TP63: variants seen among roughly 807,000 people sequenced by gnomAD.
TP63 encodes tumor protein 63.
In TP63, 17 loss-of-function variants were observed where a neutral mutation model predicts 82.8. That is an observed-to-expected ratio of 0.21 (90% CI 0.14 to 0.31). TP63 has a LOEUF of 0.31. Ranked by LOEUF, TP63 falls within the 10% of genes least tolerant of loss-of-function variation. The pLI, the probability that TP63 is intolerant of heterozygous loss-of-function variation, is 1.00. For synonymous variants in TP63, 330 were observed against 321.7 expected (o/e 1.03, Z -0.28); for missense variants, 648 against 895.3 (o/e 0.72, Z 3.52).
At position 189,677,259 on chromosome 3, in the gene TP63, T is replaced by C. The variant is rs187120011; in HGVS notation, c.62+45682T>C. ...TATATGTACATATAATGTGTACATA[T>C]AGATATACACACACACACAGTGGAA... is the stretch of plus-strand genomic sequence containing the variant. On this transcript the variant is annotated intron_variant, in intron 1 of 13. Coordinates refer to ENST00000264731, the MANE Select transcript of TP63 (RefSeq NM_003722.5). Among the ~76,000 whole-genome samples the C allele has an allele frequency of 2.7e-5, 4 of 148,104 alleles. No individual in the cohort carries two copies. The East Asian group carries it at 7.9e-4, about 29-fold the overall frequency.
chr3:189,634,477 GT>G (rs11293774), intron 1 of TP63, among the ~76,000 whole-genome samples: 145,580 of 151,944 alleles, frequency 0.96, 70,052 homozygotes, highest in Middle Eastern at 1. Flanking sequence ...TTCATCCTCT[GT>G]TTTTTTTCCT....
chr3:189,860,514 C>A (rs1382167544), intron 4 of TP63, among the ~76,000 whole-genome samples: 1 of 152,040 alleles, frequency 6.6e-6, no homozygotes, highest in Admixed American at 6.6e-5. Flanking sequence ...ATGAAGTAAA[C>A]AGAATAGCAG....
At chr3:189,620,514 AAAC>A in the TP63 span, among the ~76,000 whole-genome samples, 2,911 of 147,270 alleles carry the variant, frequency 0.02, 157 homozygotes, top group African/African-American at 0.069. Context: ...ATCAAAAAAA[AAAC>A]AAAAAAAAAA....
At chr3:189,813,887 C>G (rs750620723) in intron 4 of TP63, among the ~76,000 whole-genome samples, 34 of 152,148 alleles carry the variant, frequency 2.2e-4, no homozygotes, top group Non-Finnish European at 2.8e-4. Flanking sequence ...AATTTGTTCC[C>G]TGTAGCCTTC....
intron 4 of TP63, among the ~76,000 whole-genome samples, chr3:189,836,532 TC>T (rs1221077748): frequency 6.6e-6 from 1 of 152,192 alleles, no homozygotes; most frequent in Non-Finnish European, 1.5e-5. Flanking sequence ...TGTTAATAAT[TC>T]TCATTCATCT....
intron 3 of TP63, among the ~76,000 whole-genome samples, chr3:189,800,812 G>T (rs957103376): frequency 6.6e-6 from 1 of 152,118 alleles, no homozygotes; most frequent in African/African-American, 2.4e-5. Context: ...TTAGAACTCC[G>T]TAAGAGAATT....
chr3:189,738,669 C>G lies in TP63; in HGVS notation c.219C>G (p.Asp73Glu). ...CTATATGTTCAGTTCAGCCCATTGA[C>G]TTGAACTTTGTGGATGAACCATCAG... ...EQPICSVQPI[D>E]LNFVDEPSED... is the part of the protein sequence containing the mutation. Residue 73 changes from aspartate (D) to glutamate (E), a missense_variant, in exon 3 of 14, where the codon GAC becomes GAG. By Grantham distance (45) the Asp-to-Glu change is conservative. Transcript: ENST00000264731. The G allele has an allele frequency of 1.2e-6, 2 of 1,614,098 alleles. No individual in the cohort carries two copies. Among genetic ancestry groups the G allele is most frequent in the South Asian group, 2.2e-5 (2 of 91,076 alleles).
rs189193305 is a variant in TP63, at chr3:189,665,547, A to C, written c.62+33970A>C. ...TTGATATTTGCAACTATGAGGGGAT[A>C]TATCTGAAGGCAAAACCTAACATGC... On this transcript the variant is annotated intron_variant, in intron 1 of 13. Coordinates refer to ENST00000264731, the MANE Select transcript of TP63 (RefSeq NM_003722.5). Among the ~76,000 whole-genome samples, 25 of 152,252 alleles carry C rather than the reference A, an allele frequency of 1.6e-4. No individual in the cohort carries two copies. The East Asian group carries it at 4.6e-3, about 28-fold the overall frequency.
At chr3:189,712,598 G>C (rs1418404109) in intron 1 of TP63, among the ~76,000 whole-genome samples, 2 of 152,048 alleles carry the variant, frequency 1.3e-5, no homozygotes, top group African/African-American at 4.8e-5. Flanking sequence ...CATGAGGAGA[G>C]GCAGTAATGA....
At chr3:189,821,018 G>A (rs1728742520) in intron 4 of TP63, among the ~76,000 whole-genome samples, 1 of 152,078 alleles carries the variant, frequency 6.6e-6, no homozygotes. Context: ...CTTAATGAAT[G>A]AATAATATGT....
At chr3:189,841,786 G>A (rs956307277) in intron 4 of TP63, among the ~76,000 whole-genome samples, 1 of 152,186 alleles carries the variant, frequency 6.6e-6, no homozygotes, top group Non-Finnish European at 1.5e-5. Flanking sequence ...CAAAGAGTAT[G>A]TGTGGAAGCA....
intron 4 of TP63, among the ~76,000 whole-genome samples, chr3:189,815,107 C>T (rs1560212558): frequency 2.0e-5 from 3 of 151,994 alleles, no homozygotes; most frequent in African/African-American, 7.3e-5. Flanking sequence ...CCCTCCTTCT[C>T]TTTTTTCCTT....
At chr3:189,655,571 G>C (rs9848040) in intron 1 of TP63, among the ~76,000 whole-genome samples, 66,885 of 151,966 alleles carry the variant, frequency 0.44, 16,125 homozygotes, top group Middle Eastern at 0.69. Flanking sequence ...GCAGTGAGGT[G>C]AGCTCATGTC....
At chr3:189,883,788 G>A (rs1429113315) in intron 10 of TP63, among the ~76,000 whole-genome samples, 1 of 152,066 alleles carries the variant, frequency 6.6e-6, no homozygotes, top group Non-Finnish European at 1.5e-5. Flanking sequence ...TTCTTCATCT[G>A]TGGTTTCTGA....
At chr3:189,846,611 G>GGTGTGTGTGT (rs71861936) in intron 4 of TP63, among the ~76,000 whole-genome samples, 8 of 141,258 alleles carry the variant, frequency 5.7e-5, no homozygotes, top group African/African-American at 2.1e-4. Flanking sequence ...TGGCCAGTAG[G>GGTGTGTGTGT]GTGTGTGTGT....
chr3:189,727,248 G>A (rs910593784), intron 1 of TP63, among the ~76,000 whole-genome samples: 5 of 152,154 alleles, frequency 3.3e-5, no homozygotes, highest in African/African-American at 1.2e-4. Flanking sequence ...TGTTTATTGT[G>A]TAAGATTGTT....
chr3:189,699,476 A>G (rs1486913515), intron 1 of TP63, among the ~76,000 whole-genome samples: 1 of 152,236 alleles, frequency 6.6e-6, no homozygotes, highest in East Asian at 1.9e-4. Flanking sequence ...AGGAACTTAG[A>G]GAATGCATTA....
At chr3:189,789,907 A>C in intron 3 of TP63, 1 of 1,456,640 alleles carries the variant, frequency 6.9e-7, no homozygotes, top group Non-Finnish European at 9.1e-7. Context: ...TTGTAAAAAA[A>C]CTTACGTATT....
At chr3:189,804,073 C>T (rs1320708989) in intron 3 of TP63, among the ~76,000 whole-genome samples, 3 of 152,072 alleles carry the variant, frequency 2.0e-5, no homozygotes, top group African/African-American at 4.8e-5. Flanking sequence ...GAAATACATG[C>T]ATATGGGACA....
Sources: gnomAD v4.1 joint callset for allele counts (sites outside exome capture counted in the v4.1 genomes callset) on GRCh38, gnomAD v4.1.1 for gene constraint, MANE v1.5 for transcripts, NCBI Gene and HGNC (gene_info 2026-07-23, HGNC 2026-07-21) for gene names.